Variants in CPS1 observed in about 807,000 individuals in gnomAD.
The protein encoded by CPS1 is carbamoyl-phosphate synthase 1.
A neutral mutation model predicts 174.6 loss-of-function variants in CPS1; 109 were observed. The observed-to-expected ratio is 0.62, with a 90% CI of 0.53 to 0.73. CPS1 has a LOEUF of 0.73. Among genes scored for constraint, CPS1 ranks in the 30% least tolerant of loss-of-function variants. The pLI is 0.00. For synonymous variants in CPS1, 637 were observed against 632.0 expected (o/e 1.01, Z -0.12); for missense variants, 1,689 against 1,821.9 (o/e 0.93, Z 1.33).
Position 210,677,044 on chromosome 2 carries a change from C to T in CPS1, c.4312C>T (p.Leu1438Phe). ...RDGSIDLVIN[L>F]PNNNTKFVHD... Reference sequence around the variant, plus strand: ...TGGCAGCATTGACCTAGTGATTAACCTTCCCAACAACAACACTAAATTTGT... The same window carrying T: ...TGGCAGCATTGACCTAGTGATTAACTTTCCCAACAACAACACTAAATTTGT... Residue 1438 changes from leucine (L) to phenylalanine (F), a missense_variant, in exon 37 of 38, where the codon CTT becomes TTT. Transcript: ENST00000233072. The T allele has an allele frequency of 6.2e-7, 1 of 1,613,722 alleles. No homozygotes were observed. Among genetic ancestry groups the T allele is most frequent in the Non-Finnish European group, 8.5e-7 (1 of 1,179,686 alleles).
At chr2:210,515,101 T>C (rs566772634) in intron 1 of CPS1, among the ~76,000 whole-genome samples, 13 of 152,020 alleles carry the variant, frequency 8.6e-5, no homozygotes, top group South Asian at 2.1e-4. Flanking sequence ...GATTTGCTAG[T>C]ATCTTGTTGA....
intron 1 of CPS1, among the ~76,000 whole-genome samples, chr2:210,535,493 G>C (rs1402155254): frequency 1.3e-5 from 2 of 152,076 alleles, no homozygotes; most frequent in Non-Finnish European, 2.9e-5. Context: ...TTTGAGCTCT[G>C]GCTCATTGGA....
chr2:210,620,264 A>T lies in CPS1; in HGVS notation c.2687+3723A>T, dbSNP rs977463237. ...ATATTCACAGACTGAGATGGGGAAA[A>T]CAAAACAATGATTGTAACTAGGTAG... On this transcript the variant is annotated intron_variant, in intron 21 of 37. Transcript: ENST00000233072. Among the ~76,000 whole-genome samples, 4 of 152,138 alleles carry T rather than the reference A, an allele frequency of 2.6e-5. No individual in the cohort carries two copies. The East Asian group carries it at 7.8e-4, about 29-fold the overall frequency.
At chr2:210,641,115 C>G (rs983223965) in intron 24 of CPS1, among the ~76,000 whole-genome samples, 1 of 152,034 alleles carries the variant, frequency 6.6e-6, no homozygotes, top group Non-Finnish European at 1.5e-5. Flanking sequence ...TTCCCTCCAT[C>G]AAACCCTCAC....
intron 12 of CPS1, 33 bp from the exon 13 acceptor site, chr2:210,595,454 G>C: frequency 6.9e-7 from 1 of 1,443,828 alleles, no homozygotes; most frequent in Non-Finnish European, 9.7e-7. Flanking sequence ...CATTTTAGCA[G>C]TAATAACAGT....
intron 1 of CPS1, among the ~76,000 whole-genome samples, chr2:210,517,783 T>C (rs1422773563): frequency 6.6e-6 from 1 of 152,028 alleles, no homozygotes; most frequent in East Asian, 1.9e-4. Flanking sequence ...ACCATAAAGT[T>C]CGCAGTTAGA....
At chr2:210,594,894 A>G (rs1356054849) in intron 12 of CPS1, among the ~76,000 whole-genome samples, 1 of 151,924 alleles carries the variant, frequency 6.6e-6, no homozygotes, top group East Asian at 1.9e-4. Flanking sequence ...ATTTCCCATT[A>G]TCCAAAAAGC....
intron 1 of CPS1, among the ~76,000 whole-genome samples, chr2:210,491,539 T>A (rs1239206311): frequency 7.9e-5 from 12 of 152,078 alleles, no homozygotes; most frequent in Non-Finnish European, 1.5e-5. Context: ...GGTCTCTATC[T>A]CCTGACCTCG....
At chr2:210,621,608 T>C (rs185449539) in intron 21 of CPS1, among the ~76,000 whole-genome samples, 86 of 152,236 alleles carry the variant, frequency 5.6e-4, no homozygotes, top group African/African-American at 1.9e-3. Flanking sequence ...ATTATAAAAA[T>C]CTCACCTATA....
In CPS1 at chr2:210,519,883, G is replaced by A. The variant is rs368869111; in HGVS notation, c.4-36836G>A. On this transcript the variant is annotated intron_variant, in intron 1 of 38. Coordinates refer to the CPS1 transcript ENST00000430249. ...GTTGTAGTGATATAATCAGAGATGC[G>A]TTCCAGCATACAGTGCTCAGAGGCA... The A allele has an allele frequency of 3.5e-5, 23 of 654,800 alleles. No individual in the cohort carries two copies. The South Asian group carries it at 9.5e-4, about 27-fold the overall frequency. 40.6% of individuals were successfully genotyped at this position (654,800 alleles called of 1,614,324 possible).
intron 1 of CPS1, among the ~76,000 whole-genome samples, chr2:210,561,010 A>G (rs1253815706): frequency 1.3e-5 from 2 of 152,152 alleles, no homozygotes; most frequent in African/African-American, 2.4e-5. Flanking sequence ...ACAACTTTAC[A>G]TACTTTTGGC....
intron 21 of CPS1, among the ~76,000 whole-genome samples, chr2:210,634,969 G>T (rs905913742): frequency 1.3e-5 from 2 of 151,950 alleles, no homozygotes; most frequent in African/African-American, 4.8e-5. Context: ...CTTTTTTGAG[G>T]TGGAGTCTCC....
intron 1 of CPS1, among the ~76,000 whole-genome samples, chr2:210,496,697 T>C (rs898878495): frequency 6.6e-6 from 1 of 152,162 alleles, no homozygotes; most frequent in African/African-American, 2.4e-5. Context: ...GCTAGCTTCC[T>C]GCTCTTCCTC....
At chr2:210,670,703 T>C (rs140948553) in intron 34 of CPS1, among the ~76,000 whole-genome samples, 8 of 152,308 alleles carry the variant, frequency 5.3e-5, no homozygotes, top group Admixed American at 2.0e-4. Context: ...AGGTGAGTTA[T>C]TATGAAGTTC....
chr2:210,537,159 G>A (rs1448558301), intron 1 of CPS1, among the ~76,000 whole-genome samples: 2 of 152,136 alleles, frequency 1.3e-5, no homozygotes, highest in African/African-American at 2.4e-5. Context: ...TGGGTTTTGG[G>A]TTTCCATTTC....
intron 1 of CPS1, among the ~76,000 whole-genome samples, chr2:210,528,589 T>C (rs1316119997): frequency 6.6e-6 from 1 of 151,828 alleles, no homozygotes; most frequent in Non-Finnish European, 1.5e-5. Flanking sequence ...CAAACAATAG[T>C]GCCTTAGGAA....
At position 210,511,064 on chromosome 2, in the gene CPS1, A is replaced by G. The variant is rs547546934; in HGVS notation, c.3+33298A>G. On this transcript the variant is annotated intron_variant, in intron 1 of 38. Coordinates refer to the CPS1 transcript ENST00000430249. ...CCAAAGGACTATAAATCATGCTGCT[A>G]TAAAGACACATGCACACGTATGTTT... is the stretch of plus-strand genomic sequence containing the variant. 2.0e-5 allele frequency among the ~76,000 whole-genome samples: 3 copies of G among 152,312 alleles called. No individual in the cohort carries two copies. The South Asian group carries it at 6.2e-4, about 32-fold the overall frequency.
chr2:210,657,569 A>C (rs1700757914), intron 30 of CPS1: 1 of 152,590 alleles, frequency 6.6e-6, no homozygotes, highest in Non-Finnish European at 1.5e-5. Context: ...CGGCCTCCCA[A>C]AGTGCTGGGA....
chr2:210,564,594 T>C (rs1392495909), intron 1 of CPS1, among the ~76,000 whole-genome samples: 2 of 151,984 alleles, frequency 1.3e-5, no homozygotes, highest in Non-Finnish European at 2.9e-5. Flanking sequence ...GCCAGGATGG[T>C]CTCGATCTCC....
Sources: gnomAD v4.1 joint callset for allele counts (sites outside exome capture counted in the v4.1 genomes callset) on GRCh38, gnomAD v4.1.1 for gene constraint, MANE v1.5 for transcripts, NCBI Gene and HGNC (gene_info 2026-07-23, HGNC 2026-07-21) for gene names.